The following DEPDC4 variants were observed in gnomAD, a reference collection of about 807,000 sequenced individuals.
DEPDC4 encodes DEP domain containing 4, also known as DEP domain-containing protein 4.
Under a neutral mutation model 52.0 loss-of-function variants are expected in DEPDC4, and 52 were observed. That is an observed-to-expected ratio of 1.00 (90% CI 0.80 to 1.26). The LOEUF is 1.26. Ranked by LOEUF, DEPDC4 falls within the 50% of genes most tolerant of loss-of-function variation. The probability of loss-of-function intolerance (pLI) is 0.00; values close to 1 mark genes in which losing one functional copy is unlikely to be tolerated. For synonymous variants in DEPDC4, 201 were observed against 196.8 expected (o/e 1.02, Z -0.18); for missense variants, 530 against 546.9 (o/e 0.97, Z 0.31).
At chr12:100,252,700 ATTATCT>A (rs1390317021) in intron 5 of DEPDC4, among the ~76,000 whole-genome samples, 164 bp from the exon 6 acceptor site, 1 of 152,226 alleles carries the variant, frequency 6.6e-6, no homozygotes, top group Admixed American at 6.5e-5. Context: ...CACACAGGAA[ATTATCT>A]TTATAATTCT....
intron 9 of DEPDC4, among the ~76,000 whole-genome samples, chr12:100,232,845 T>C (rs917257757): frequency 1.3e-5 from 2 of 150,570 alleles, no homozygotes; most frequent in East Asian, 2.0e-4. Context: ...GATCGCGCCA[T>C]TGCACTCCAG....
upstream of DEPDC4, among the ~76,000 whole-genome samples, chr12:100,269,350 TTCA>T (rs1207802866): frequency 2.0e-5 from 3 of 152,096 alleles, no homozygotes; most frequent in African/African-American, 4.8e-5. Context: ...ATTATGCCTA[TTCA>T]TCATTCAGCT....
intron 5 of DEPDC4, 67 bp downstream of exon 5, chr12:100,253,422 A>G: frequency 3.1e-6 from 2 of 648,686 alleles, no homozygotes; most frequent in South Asian, 3.6e-5. Flanking sequence ...ACAATTTTCT[A>G]TTTCAACTTG....
intron 3 of DEPDC4, among the ~76,000 whole-genome samples, chr12:100,256,641 TTTTG>T (rs1383703749): frequency 1.5e-5 from 2 of 133,358 alleles, no homozygotes; most frequent in Non-Finnish European, 3.4e-5. Context: ...GTTTTGTGTT[TTTTG>T]TTTTTTTTTT....
At chr12:100,271,786 G>A (rs2096287949), upstream of DEPDC4, among the ~76,000 whole-genome samples, 1 of 152,172 alleles carries the variant, frequency 6.6e-6, no homozygotes, top group Admixed American at 6.5e-5. Flanking sequence ...TTGTAAGCTT[G>A]GGAAGCTGGG....
At chr12:100,267,185 T>TC (rs1394855063), upstream of DEPDC4, 16 of 1,217,312 alleles carry the variant, frequency 1.3e-5, no homozygotes, top group East Asian at 2.4e-5. Context: ...TTAGTCTTTT[T>TC]CCCCCTCCCT....
intron 8 of DEPDC4, among the ~76,000 whole-genome samples, chr12:100,245,884 T>C (rs879313949): frequency 1.3e-5 from 2 of 152,190 alleles, no homozygotes; most frequent in Non-Finnish European, 2.9e-5. Flanking sequence ...CATAAGATGA[T>C]ACCTATCAAT....
Position 100,248,971 on chromosome 12 carries a change from A to G in DEPDC4, c.1382T>C (p.Val461Ala), listed in dbSNP as rs2096196860. 1.0e-6 allele frequency: 1 copy of G among 981,260 alleles called. No homozygotes were observed. The highest frequency in any genetic ancestry group is 6.2e-5 in the Admixed American group (1 of 16,250). 60.8% of individuals were successfully genotyped at this position (981,260 alleles called of 1,614,324 possible). The change falls in exon 8 of 10, where the codon GTT becomes GCT. Residue 461 changes from valine to alanine, a missense_variant. Val to Ala is a moderately conservative substitution (Grantham distance 64). Coordinates refer to ENST00000550587, the MANE Select transcript of DEPDC4 (RefSeq NM_001364818.2). Reference protein sequence around the residue: ...EYHSELFKTPVTLLDLVSKKL... With the variant: ...EYHSELFKTPATLLDLVSKKL... ...CTTACTAACCAGATCCAATAAAGTA[A>G]CTGGTGTCTACACAAAACAGGTATT...
the DEPDC4 span, among the ~76,000 whole-genome samples, chr12:100,272,772 C>G: frequency 6.6e-6 from 1 of 152,114 alleles, no homozygotes; most frequent in African/African-American, 2.4e-5. Context: ...CTTAATTTTT[C>G]CTTTCTTCTC....
chr12:100,273,515 C>G, the DEPDC4 span, among the ~76,000 whole-genome samples: 1 of 152,130 alleles, frequency 6.6e-6, no homozygotes, highest in Non-Finnish European at 1.5e-5. Context: ...ATAGTGGATA[C>G]TCAGTAAATA....
rs139730541 is a variant in DEPDC4, at chr12:100,245,282, T to G, written c.1454-2713A>C. On this transcript the variant is annotated intron_variant, in intron 8 of 9. Coordinates refer to ENST00000550587, the MANE Select transcript of DEPDC4 (RefSeq NM_001364818.2). The stretch of plus-strand genomic sequence containing the variant: ...TCATATTTGAGTCACTTTTCTGTTT[T>G]TGGAGACAGGGTCTCGCTCTGTCCC... 2.3e-3 allele frequency among the ~76,000 whole-genome samples: 345 copies of G among 152,278 alleles called. 1 individual carries two copies. The highest frequency in any genetic ancestry group is 7.7e-3 in the African/African-American group (320 of 41,560).
intron 8 of DEPDC4, among the ~76,000 whole-genome samples, chr12:100,246,123 GT>G (rs34475855): frequency 1.8e-3 from 244 of 135,352 alleles, no homozygotes; most frequent in East Asian, 3.7e-3. Context: ...CTACGCCTGG[GT>G]TTTTTTTTTT....
At chr12:100,259,577 T>G (rs575651245) in intron 3 of DEPDC4, among the ~76,000 whole-genome samples, 2 of 152,356 alleles carry the variant, frequency 1.3e-5, no homozygotes, top group East Asian at 3.8e-4. Context: ...CAAAATAATG[T>G]AAACATGCTG....
At chr12:100,267,105 G>T (rs775552896), upstream of DEPDC4, 3 of 1,608,906 alleles carry the variant, frequency 1.9e-6, no homozygotes, top group Non-Finnish European at 2.5e-6. Context: ...ACCCGGGGCG[G>T]AGAGAAGTAC....
intron 8 of DEPDC4, among the ~76,000 whole-genome samples, chr12:100,243,124 ATATAT>A (rs1234057014): frequency 2.6e-5 from 4 of 152,192 alleles, no homozygotes; most frequent in Non-Finnish European, 1.5e-5. Flanking sequence ...AATTATAACA[ATATAT>A]TAGAGTAAAA....
At chr12:100,253,954 G>C (rs573216459) in intron 4 of DEPDC4, among the ~76,000 whole-genome samples, 1 of 152,202 alleles carries the variant, frequency 6.6e-6, no homozygotes, top group South Asian at 2.1e-4. Context: ...TTATTTTCAA[G>C]AAGTTAAAAT....
chr12:100,261,616 C>T (rs2096253863), intron 3 of DEPDC4: 1 of 433,448 alleles, frequency 2.3e-6, no homozygotes, highest in Non-Finnish European at 4.6e-6. Flanking sequence ...ATACTAAGGA[C>T]TGTGGTGAGT....
At chr12:100,268,512 C>A (rs2096282741), upstream of DEPDC4, among the ~76,000 whole-genome samples, 1 of 152,102 alleles carries the variant, frequency 6.6e-6, no homozygotes, top group Admixed American at 6.6e-5. Flanking sequence ...AAACTGTAAT[C>A]ATAAAGAATG....
rs2096218314 is a variant in DEPDC4, at chr12:100,253,616, T to G, written c.978A>C (p.Glu326Asp). 7.8e-7 allele frequency: 1 copy of G among 1,289,414 alleles called. No individual in the cohort carries two copies. The highest frequency in any genetic ancestry group is 1.0e-6 in the Non-Finnish European group (1 of 988,716). 79.9% of individuals were successfully genotyped at this position (1,289,414 alleles called of 1,614,324 possible). The change falls in exon 5 of 10, where the codon GAA becomes GAC. Residue 326 changes from glutamate (E) to aspartate (D), a missense_variant. Coordinates refer to ENST00000550587, the MANE Select transcript of DEPDC4 (RefSeq NM_001364818.2). Reference sequence around the variant, plus strand: ...TCTTCTGACTGTTCAATCTTGTCTCTTCATTTCTGTTTTGCATTAACTGCT... The same window carrying G: ...TCTTCTGACTGTTCAATCTTGTCTCGTCATTTCTGTTTTGCATTAACTGCT... ...VSQQLMQNRN[E>D]ETRLNSQKKI...
Sources: gnomAD v4.1 joint callset for allele counts (sites outside exome capture counted in the v4.1 genomes callset) on GRCh38, gnomAD v4.1.1 for gene constraint, MANE v1.5 for transcripts, NCBI Gene and HGNC (gene_info 2026-07-23, HGNC 2026-07-21) for gene names.